PTPRR: variants seen among roughly 807,000 people sequenced by gnomAD.
PTPRR encodes receptor-type tyrosine-protein phosphatase R.
In PTPRR, 38 loss-of-function variants were observed where a neutral mutation model predicts 77.2. That is an observed-to-expected ratio of 0.49 (90% CI 0.38 to 0.65). The LOEUF (loss-of-function observed/expected upper bound fraction) is 0.65, where lower values mean the gene tolerates loss of function less well. Ranked by LOEUF, PTPRR falls within the 30% of genes least tolerant of loss-of-function variation. PTPRR has a pLI of 0.00. For missense variants in PTPRR, 744 were observed against 799.2 expected, an observed-to-expected ratio of 0.93 and a Z score of 0.83; for synonymous variants, 299 against 283.1, an observed-to-expected ratio of 1.06 and a Z score of -0.57.
intron 10 of PTPRR, among the ~76,000 whole-genome samples, chr12:70,678,933 C>T (rs1445592386): frequency 3.9e-5 from 6 of 152,134 alleles, no homozygotes; most frequent in Admixed American, 6.5e-5. Context: ...CTGCCTGCCT[C>T]GGCCTCCCAA....
rs1889854822 is a variant in PTPRR, at chr12:70,736,187, C to A, written c.1007+9631G>T. Among the ~76,000 whole-genome samples the A allele has an allele frequency of 2.0e-5, 3 of 152,154 alleles. No individual in the cohort carries two copies. The South Asian group carries it at 6.2e-4, about 32-fold the overall frequency. ...GGCAAAAATCAGATTAAGGAAAAAA[C>A]TGAGACAGACAATGTGCTTCTAGAA... On this transcript the variant is annotated intron_variant, in intron 6 of 13. Coordinates refer to ENST00000283228, the MANE Select transcript of PTPRR (RefSeq NM_002849.4).
intron 2 of PTPRR, among the ~76,000 whole-genome samples, chr12:70,801,282 G>C (rs1727052650): frequency 1.3e-5 from 2 of 152,178 alleles, no homozygotes; most frequent in South Asian, 2.1e-4. Context: ...GGGCTATGGG[G>C]TACCAGATAT....
At chr12:70,748,153 A>G (rs1279028396) in intron 5 of PTPRR, among the ~76,000 whole-genome samples, 1 of 152,200 alleles carries the variant, frequency 6.6e-6, no homozygotes, top group Admixed American at 6.5e-5. Flanking sequence ...CCCTGACGTA[A>G]GGGATCATAA....
chr12:70,829,468 G>A (rs900069089), intron 2 of PTPRR, among the ~76,000 whole-genome samples: 3 of 152,026 alleles, frequency 2.0e-5, no homozygotes, highest in Admixed American at 2.0e-4. Context: ...TATAACTTGG[G>A]AATAAATACA....
intron 7 of PTPRR, 33 bp downstream of exon 7, chr12:70,701,104 G>A (rs1018646558): frequency 5.6e-6 from 9 of 1,609,488 alleles, no homozygotes; most frequent in African/African-American, 2.7e-5. Flanking sequence ...TCAAAATACC[G>A]ACTGAAGAGT....
At chr12:70,841,034 T>C (rs1376966962) in intron 2 of PTPRR, among the ~76,000 whole-genome samples, 1 of 146,174 alleles carries the variant, frequency 6.8e-6, no homozygotes, top group African/African-American at 2.6e-5. Flanking sequence ...TGCAACCAAG[T>C]TCTTCTGCAC....
rs766825019 is a variant in PTPRR, at chr12:70,892,705, T to C, written c.331A>G (p.Ile111Val). ...GQDLEVENLP[I>V]PAANVIVVTL... ...ACCACAATTACATTTGCTGCTGGGATTGGGAGATTTTCCACTTCAAGATCT... is the reference window on the plus strand; with the variant it reads ...ACCACAATTACATTTGCTGCTGGGACTGGGAGATTTTCCACTTCAAGATCT... The change falls in exon 2 of 14, where the codon ATC becomes GTC. Residue 111 changes from isoleucine to valine, a missense_variant. By Grantham distance (29) the Ile-to-Val change is conservative. Coordinates refer to ENST00000283228, the MANE Select transcript of PTPRR (RefSeq NM_002849.4). 11 of 1,613,236 alleles carry C rather than the reference T, an allele frequency of 6.8e-6. No homozygotes were observed. Among genetic ancestry groups the C allele is most frequent in the South Asian group, 5.5e-5 (5 of 91,070 alleles).
In PTPRR at chr12:70,684,258, T is replaced by A; in HGVS notation, c.1366A>T (p.Ser456Cys). 6.2e-7 allele frequency: 1 copy of A among 1,612,950 alleles called. No homozygotes were observed. Among genetic ancestry groups the A allele is most frequent in the South Asian group, 1.1e-5 (1 of 90,842 alleles). ...GCAATGAAGGCTTTCTCCTTGCCAC[T>A]GTAGCCCTAGATGGAGTAAAGAAAC... ...YINANYIRGY[S>C]GKEKAFIATQ... Residue 456 changes from serine to cysteine, a missense_variant, in exon 10 of 14, where the codon AGT (serine) becomes TGT (cysteine). Coordinates refer to ENST00000283228, the MANE Select transcript of PTPRR (RefSeq NM_002849.4).
intron 2 of PTPRR, chr12:70,788,684 C>A: frequency 2.9e-6 from 2 of 695,906 alleles, no homozygotes; most frequent in African/African-American, 1.8e-5. Context: ...CCCTAGATAT[C>A]ACATAAGTTC....
intron 2 of PTPRR, chr12:70,788,797 T>C (rs1218070371): frequency 1.4e-6 from 2 of 1,463,618 alleles, no homozygotes; most frequent in African/African-American, 1.4e-5. Context: ...CCTCTGCCTA[T>C]CATGAGAGAT....
At chr12:70,705,164 C>A (rs1888572544) in intron 6 of PTPRR, among the ~76,000 whole-genome samples, 1 of 152,050 alleles carries the variant, frequency 6.6e-6, no homozygotes, top group Non-Finnish European at 1.5e-5. Context: ...GCGACACATC[C>A]ATTTCAGCAA....
intron 5 of PTPRR, 88 bp from the exon 6 acceptor site, chr12:70,746,174 C>T: frequency 1.6e-6 from 2 of 1,262,982 alleles, no homozygotes; most frequent in Admixed American, 2.7e-5. Flanking sequence ...GGCCGACAAA[C>T]CAAAATAAAG....
intron 13 of PTPRR, among the ~76,000 whole-genome samples, chr12:70,640,473 T>TAATTATG (rs2136634514): frequency 6.6e-6 from 1 of 152,310 alleles, no homozygotes; most frequent in East Asian, 1.9e-4. Context: ...TCCAGTCCTA[T>TAATTATG]AATTATGATT....
intron 10 of PTPRR, among the ~76,000 whole-genome samples, chr12:70,677,774 G>T (rs1166898383): frequency 6.6e-6 from 1 of 152,196 alleles, no homozygotes; most frequent in Admixed American, 6.5e-5. Context: ...CATAGCGGAT[G>T]ATGTTTTTAA....
At chr12:70,904,574 T>C (rs1037592332) in intron 1 of PTPRR, among the ~76,000 whole-genome samples, 2 of 151,864 alleles carry the variant, frequency 1.3e-5, no homozygotes, top group African/African-American at 4.8e-5. Context: ...GGAAGTTTTT[T>C]TGTGGTGAGC....
intron 2 of PTPRR, among the ~76,000 whole-genome samples, chr12:70,887,400 C>G (rs1893258324): frequency 6.6e-6 from 1 of 151,756 alleles, no homozygotes; most frequent in African/African-American, 2.4e-5. Context: ...TGCAGTCAGC[C>G]AAGATCGCAC....
chr12:70,646,420 C>T (rs1886201361), intron 13 of PTPRR, among the ~76,000 whole-genome samples: 2 of 152,262 alleles, frequency 1.3e-5, no homozygotes, highest in South Asian at 4.1e-4. Flanking sequence ...CAGCATATAT[C>T]AAATGATAAT....
intron 1 of PTPRR, among the ~76,000 whole-genome samples, chr12:70,900,578 G>T (rs1366569707): frequency 1.3e-5 from 2 of 151,448 alleles, no homozygotes; most frequent in Non-Finnish European, 3.0e-5. Flanking sequence ...AATTAACAAA[G>T]TCAAGTGATA....
chr12:70,818,456 TCA>T (rs1891946310), intron 2 of PTPRR, among the ~76,000 whole-genome samples: 2 of 152,198 alleles, frequency 1.3e-5, no homozygotes, highest in Non-Finnish European at 2.9e-5. Context: ...AGCATTATTC[TCA>T]CACTTTTCAG....
Sources: allele counts gnomAD v4.1 joint callset (sites outside exome capture counted in the v4.1 genomes callset), GRCh38; gene constraint gnomAD v4.1.1; transcripts MANE v1.5; gene names NCBI Gene and HGNC (gene_info 2026-07-23, HGNC 2026-07-21).